Variants in SH3PXD2A observed in about 807,000 individuals in gnomAD.
SH3PXD2A encodes the protein SH3 and PX domains 2A, also known as SH3 and PX domain-containing protein 2A.
Under a neutral mutation model 115.2 loss-of-function variants are expected in SH3PXD2A, and 32 were observed. That is an observed-to-expected ratio of 0.28 (90% CI 0.21 to 0.37). The LOEUF is 0.37. Ranked by LOEUF, SH3PXD2A falls within the 10% of genes least tolerant of loss-of-function variation. The pLI is 1.00. For missense variants in SH3PXD2A, 1,328 were observed against 1,498.7 expected, an observed-to-expected ratio of 0.89 and a Z score of 1.88; for synonymous variants, 610 against 629.1, an observed-to-expected ratio of 0.97 and a Z score of 0.45.
intron 1 of SH3PXD2A, among the ~76,000 whole-genome samples, chr10:103,830,094 G>A (rs986983686): frequency 3.3e-5 from 5 of 152,168 alleles, no homozygotes; most frequent in African/African-American, 9.7e-5. Context: ...TCCAGGCCCT[G>A]AGCAAAGAGG....
rs79615908 is a variant in SH3PXD2A, at chr10:103,762,014, C to CT, written c.229+5079dup. Among the ~76,000 whole-genome samples the CT allele has an allele frequency of 3.9e-3, 355 of 90,658 alleles. 31 individuals are homozygous for CT. Among genetic ancestry groups the CT allele is most frequent in the African/African-American group, 0.011 (270 of 24,372 alleles). 59.5% of individuals were successfully genotyped at this position (90,658 alleles called of 152,430 possible). A position where few individuals can be genotyped will look rare whatever the true frequency, so the allele number is the denominator to read the frequency against. ...CACACACTAGGAGCAATCAACACGT[C>CT]TTTTTTTTTTTTTTTTTTTTTTTTT... On this transcript the variant is annotated intron_variant, in intron 3 of 14. Coordinates refer to ENST00000369774, the MANE Select transcript of SH3PXD2A (RefSeq NM_001394015.1).
At chr10:103,614,760 C>G (rs569832685) in intron 11 of SH3PXD2A, among the ~76,000 whole-genome samples, 6 of 152,098 alleles carry the variant, frequency 3.9e-5, no homozygotes, top group African/African-American at 7.2e-5. Context: ...CACCTCCCCC[C>G]CCGCCCCGCC....
chr10:103,671,101 C>G lies in SH3PXD2A; in HGVS notation c.428-2449G>C, dbSNP rs560770116. On this transcript the variant is annotated intron_variant, in intron 6 of 14. Transcript: ENST00000369774. The stretch of plus-strand genomic sequence containing the variant: ...TCCTTTTGGGTTCTTCATAAGGAGA[C>G]CTGAAAGCACTAACCTCTTTCAGTG... 1.2e-3 allele frequency among the ~76,000 whole-genome samples: 183 copies of G among 152,326 alleles called. 1 individual carries two copies. The highest frequency in any genetic ancestry group is 1.9e-3 in the Non-Finnish European group (130 of 68,038).
chr10:103,773,346 T>C (rs1224178126), intron 2 of SH3PXD2A, among the ~76,000 whole-genome samples: 3 of 151,756 alleles, frequency 2.0e-5, no homozygotes, highest in African/African-American at 7.3e-5. Flanking sequence ...GACTAAGCAG[T>C]CCCCTGTGTT....
intron 4 of SH3PXD2A, among the ~76,000 whole-genome samples, chr10:103,726,816 G>A (rs949093203): frequency 3.9e-5 from 6 of 152,140 alleles, no homozygotes; most frequent in Admixed American, 1.3e-4. Flanking sequence ...GGCCCTTCTC[G>A]ATGCCAAACC....
intron 11 of SH3PXD2A, among the ~76,000 whole-genome samples, chr10:103,613,643 A>G (rs2036464892): frequency 6.6e-6 from 1 of 152,240 alleles, no homozygotes; most frequent in Non-Finnish European, 1.5e-5. Flanking sequence ...AATTGACTCC[A>G]GAAGGTGAGA....
intron 8 of SH3PXD2A, among the ~76,000 whole-genome samples, chr10:103,631,191 G>A (rs2036774626): frequency 6.6e-6 from 1 of 152,160 alleles, no homozygotes; most frequent in South Asian, 2.1e-4. Flanking sequence ...GTCGAGCCCA[G>A]GAGTTTAAGG....
chr10:103,639,471 A>G (rs34241369), intron 8 of SH3PXD2A, among the ~76,000 whole-genome samples: 23,632 of 151,970 alleles, frequency 0.16, 2,102 homozygotes, highest in East Asian at 0.31. Flanking sequence ...TTAGCTGGGC[A>G]TGGTGGCGTG....
Position 103,665,563 on chromosome 10 carries a change from G to A in SH3PXD2A, c.472+3045C>T, listed in dbSNP as rs574070514. 4.6e-5 allele frequency among the ~76,000 whole-genome samples: 7 copies of A among 152,318 alleles called. No homozygotes were observed. Among genetic ancestry groups the A allele is most frequent in the East Asian group, 1.9e-4 (1 of 5,180 alleles). ...GTCCTTCTGGCTGCCCTTCCCTCCC[G>A]TTGCACAGGCAGGCTCCCAGCTCTT... On this transcript the variant is annotated intron_variant, in intron 7 of 14. Coordinates refer to ENST00000369774, the MANE Select transcript of SH3PXD2A (RefSeq NM_001394015.1). This position sits in a 1 kb window ranked among gnomAD's most constrained non-coding sequence, Gnocchi z 4.0.
chr10:103,810,009 A>G (rs1031148824), intron 1 of SH3PXD2A, among the ~76,000 whole-genome samples: 3 of 152,282 alleles, frequency 2.0e-5, no homozygotes, highest in African/African-American at 7.2e-5. Context: ...TTTAAATGGG[A>G]GGGTAATGAG....
intron 2 of SH3PXD2A, among the ~76,000 whole-genome samples, chr10:103,783,701 G>A (rs562505626): frequency 4.6e-5 from 7 of 152,338 alleles, no homozygotes; most frequent in Non-Finnish European, 7.3e-5. Context: ...GCCCATAGAC[G>A]TCTCCTATAA....
chr10:103,750,719 C>T lies in SH3PXD2A; in HGVS notation c.230-14911G>A, dbSNP rs575878463. ...CAGGCCTGAGCCTAGAACCCAGCAC[C>T]TGACTCCGGGGTCAATGCTCTTTCT... On this transcript the variant is annotated intron_variant, in intron 3 of 14. Coordinates refer to ENST00000369774, the MANE Select transcript of SH3PXD2A (RefSeq NM_001394015.1). Among the ~76,000 whole-genome samples the T allele has an allele frequency of 3.9e-5, 6 of 152,362 alleles. No individual in the cohort carries two copies. The South Asian group carries it at 6.2e-4, about 16-fold the overall frequency.
At chr10:103,827,521 G>A (rs1200117942) in intron 1 of SH3PXD2A, among the ~76,000 whole-genome samples, 1 of 152,218 alleles carries the variant, frequency 6.6e-6, no homozygotes, top group Non-Finnish European at 1.5e-5. Flanking sequence ...CCTCAGTCCT[G>A]TATTTGTAAA....
At chr10:103,672,399 T>C (rs1384815038) in intron 6 of SH3PXD2A, among the ~76,000 whole-genome samples, 3 of 152,214 alleles carry the variant, frequency 2.0e-5, no homozygotes, top group Non-Finnish European at 2.9e-5. Flanking sequence ...TTCTAGACCT[T>C]CCCAGCAGAA....
intron 3 of SH3PXD2A, among the ~76,000 whole-genome samples, chr10:103,762,014 C>CTTTTTTTTTTTTTTTTT (rs79615908): frequency 2.2e-5 from 2 of 90,682 alleles, no homozygotes; most frequent in Non-Finnish European, 4.5e-5. Flanking sequence ...ATCAACACGT[C>CTTTTTTTTTTTTTTTTT]TTTTTTTTTT....
At chr10:103,737,217 C>G (rs74157321) in intron 3 of SH3PXD2A, among the ~76,000 whole-genome samples, 4,722 of 152,262 alleles carry the variant, frequency 0.031, 219 homozygotes, top group African/African-American at 0.1. Context: ...AACCAGGGTC[C>G]ACCTGGTACT....
intron 4 of SH3PXD2A, among the ~76,000 whole-genome samples, chr10:103,725,718 C>T (rs1330031495): frequency 2.6e-5 from 4 of 151,940 alleles, no homozygotes; most frequent in Admixed American, 2.0e-4. Context: ...GCCAGCTACT[C>T]GGGAGGCTGA....
At chr10:103,782,946 T>A (rs2134242771) in intron 2 of SH3PXD2A, among the ~76,000 whole-genome samples, 1 of 145,458 alleles carries the variant, frequency 6.9e-6, no homozygotes. Context: ...GGGGGGGGGC[T>A]CTCTGATTCT....
At chr10:103,753,807 G>T (rs767274624) in intron 3 of SH3PXD2A, 35 of 152,322 alleles carry the variant, frequency 2.3e-4, no homozygotes, top group Non-Finnish European at 4.6e-4. Context: ...CTCACACAAA[G>T]TTCCTTAGAA....
Sources: gnomAD v4.1 joint callset for allele counts (sites outside exome capture counted in the v4.1 genomes callset) on GRCh38, gnomAD v4.1.1 for gene constraint, Gnocchi (gnomAD v3.1) non-coding constraint, MANE v1.5 for transcripts, NCBI Gene and HGNC (gene_info 2026-07-23, HGNC 2026-07-21) for gene names.